ITGBL1: variants seen among roughly 807,000 people sequenced by gnomAD.
The protein encoded by ITGBL1 is integrin subunit beta like 1.
In ITGBL1, 51 loss-of-function variants were observed where a neutral mutation model predicts 68.5. That is an observed-to-expected ratio of 0.74 (90% CI 0.59 to 0.94). ITGBL1 has a LOEUF of 0.94. Among genes scored for constraint, ITGBL1 ranks in the 40% least tolerant of loss-of-function variants. The pLI, the probability that ITGBL1 is intolerant of heterozygous loss-of-function variation, is 0.00. For synonymous variants in ITGBL1, 209 were observed against 227.3 expected, an observed-to-expected ratio of 0.92 and a Z score of 0.72; for missense variants, 649 against 647.4, an observed-to-expected ratio of 1.00 and a Z score of -0.03.
chr13:101,658,115 A>T (rs532597671), intron 7 of ITGBL1, among the ~76,000 whole-genome samples: 1 of 152,330 alleles, frequency 6.6e-6, no homozygotes, highest in Admixed American at 6.5e-5. Context: ...GTCAGGTATA[A>T]TTCAAATGTG....
chr13:101,692,899 T>A, intron 8 of ITGBL1, 198 bp downstream of exon 8: 1 of 559,198 alleles, frequency 1.8e-6, no homozygotes, highest in South Asian at 2.3e-5. Flanking sequence ...TTAGCAGGTA[T>A]GTGAAAGTAC....
rs11842771 is a variant in ITGBL1, at chr13:101,512,957, C to T, written c.317-54742C>T. Among the ~76,000 whole-genome samples, 1,516 of 152,186 alleles carry T rather than the reference C, an allele frequency of 1.0e-2. 23 individuals are homozygous for T. Among genetic ancestry groups the T allele is most frequent in the African/African-American group, 0.034 (1,421 of 41,522 alleles). ...AATTCTTTTGTTTGTGCTGGTGAAT[C>T]GTTTTGTCTGGGGCTTCTTTCTTTG... On this transcript the variant is annotated intron_variant, in intron 2 of 10. Transcript: ENST00000376180.
chr13:101,501,200 G>A (rs1414022248), intron 2 of ITGBL1, among the ~76,000 whole-genome samples: 1 of 152,164 alleles, frequency 6.6e-6, no homozygotes, highest in Non-Finnish European at 1.5e-5. Context: ...AGGAAAGGAA[G>A]GGTGAAATGA....
chr13:101,551,280 T>G (rs530939668), intron 2 of ITGBL1, among the ~76,000 whole-genome samples: 12 of 152,296 alleles, frequency 7.9e-5, no homozygotes, highest in Admixed American at 3.3e-4. Context: ...AAGGTGAGTC[T>G]TGGAATGAAA....
chr13:101,490,015 T>G, intron 2 of ITGBL1: 1 of 1,406,726 alleles, frequency 7.1e-7, no homozygotes, highest in Non-Finnish European at 9.7e-7. Context: ...GTAGTATTTT[T>G]CATTAAATTT....
At chr13:101,634,800 G>C (rs2032110730) in intron 7 of ITGBL1, among the ~76,000 whole-genome samples, 1 of 152,056 alleles carries the variant, frequency 6.6e-6, no homozygotes, top group Admixed American at 6.6e-5. Context: ...GATAAAAGAA[G>C]AGTGTGGCTA....
At position 101,595,308 on chromosome 13, in the gene ITGBL1, G is replaced by T. The variant is rs372742775; in HGVS notation, c.869-2845G>T. Among the ~76,000 whole-genome samples the T allele has an allele frequency of 2.6e-5, 4 of 152,162 alleles. 1 individual carries two copies. The highest frequency in any genetic ancestry group is 6.6e-5 in the Admixed American group (1 of 15,254). ...GGCGCCACACTCTTTTAAACAATCA[G>T]ATCTTACGTGAACTACCAGAGCAGG... is the stretch of plus-strand genomic sequence containing the variant. On this transcript the variant is annotated intron_variant, in intron 6 of 10. Transcript: ENST00000376180.
chr13:101,643,811 G>A (rs2139436243), intron 7 of ITGBL1, among the ~76,000 whole-genome samples: 2 of 152,168 alleles, frequency 1.3e-5, no homozygotes, highest in Non-Finnish European at 2.9e-5. Context: ...TTAGAAATAA[G>A]TTCTTATAAA....
intron 5 of ITGBL1, among the ~76,000 whole-genome samples, chr13:101,580,234 A>G (rs1465645799): frequency 6.6e-6 from 1 of 152,162 alleles, no homozygotes; most frequent in African/African-American, 2.4e-5. Flanking sequence ...CTATACATGA[A>G]TAATGCATTG....
At chr13:101,597,619 T>G (rs9300684) in intron 6 of ITGBL1, among the ~76,000 whole-genome samples, 66 of 151,710 alleles carry the variant, frequency 4.4e-4, no homozygotes, top group African/African-American at 1.3e-3. Context: ...TGGCATGAAC[T>G]TGGCTTGCTG....
At chr13:101,558,725 C>T (rs1191604133) in intron 2 of ITGBL1, among the ~76,000 whole-genome samples, 1 of 152,138 alleles carries the variant, frequency 6.6e-6, no homozygotes, top group Non-Finnish European at 1.5e-5. Flanking sequence ...CATGCCTTGC[C>T]TCCCTCAAGA....
At chr13:101,663,639 C>T (rs1321109258) in intron 7 of ITGBL1, among the ~76,000 whole-genome samples, 1 of 152,094 alleles carries the variant, frequency 6.6e-6, no homozygotes, top group Non-Finnish European at 1.5e-5. Context: ...GACTGTCATA[C>T]AAGGTTTCCC....
intron 2 of ITGBL1, among the ~76,000 whole-genome samples, chr13:101,501,508 TCAA>T (rs1421643736): frequency 6.6e-6 from 1 of 152,092 alleles, no homozygotes; most frequent in Admixed American, 6.6e-5. Context: ...ACTGACATCC[TCAA>T]CAACACTTTA....
downstream of ITGBL1, chr13:101,719,703 C>T (rs1177550763): frequency 6.6e-6 from 1 of 152,002 alleles, no homozygotes; most frequent in Non-Finnish European, 1.5e-5. Flanking sequence ...GATATGCATG[C>T]AGAAGGAATG....
intron 4 of ITGBL1, 80 bp from the exon 5 acceptor site, chr13:101,579,207 G>A: frequency 1.3e-6 from 2 of 1,490,926 alleles, no homozygotes; most frequent in South Asian, 1.2e-5. Context: ...AGGCAAAAAT[G>A]ATCACAAAGA....
chr13:101,519,177 T>G (rs2049243535), intron 2 of ITGBL1, among the ~76,000 whole-genome samples: 1 of 152,078 alleles, frequency 6.6e-6, no homozygotes, highest in Admixed American at 6.6e-5. Flanking sequence ...TTGGGGGTGA[T>G]GTGAGAGACA....
intron 1 of ITGBL1, 51 bp downstream of exon 1, chr13:101,452,982 A>C: frequency 6.8e-7 from 1 of 1,480,018 alleles, no homozygotes; most frequent in Non-Finnish European, 9.5e-7. Context: ...CTTATGTGGC[A>C]GGGCTCAAGC....
At chr13:101,609,639 G>C (rs1317864197) in intron 7 of ITGBL1, among the ~76,000 whole-genome samples, 1 of 151,934 alleles carries the variant, frequency 6.6e-6, no homozygotes, top group African/African-American at 2.4e-5. Context: ...CTTTCATCTT[G>C]CTATTGTTAT....
intron 7 of ITGBL1, among the ~76,000 whole-genome samples, chr13:101,609,118 A>G (rs1444040671): frequency 6.6e-6 from 1 of 152,126 alleles, no homozygotes; most frequent in Non-Finnish European, 1.5e-5. Flanking sequence ...TATTATATGT[A>G]GAAATAGAAG....
Sources: allele counts gnomAD v4.1 joint callset (sites outside exome capture counted in the v4.1 genomes callset), GRCh38; gene constraint gnomAD v4.1.1; transcripts MANE v1.5; gene names NCBI Gene and HGNC (gene_info 2026-07-23, HGNC 2026-07-21).